LUC7L2: variants seen among roughly 807,000 people sequenced by gnomAD.
The protein encoded by LUC7L2 is LUC7 like 2, pre-mRNA splicing factor.
A neutral mutation model predicts 52.8 loss-of-function variants in LUC7L2; 25 were observed. The ratio of observed to expected loss-of-function variants is 0.47; its 90% CI spans 0.34 to 0.66. LUC7L2 has a LOEUF of 0.66. Among genes scored for constraint, LUC7L2 ranks in the 30% least tolerant of loss-of-function variants. The pLI, the probability that LUC7L2 is intolerant of heterozygous loss-of-function variation, is 0.01. For synonymous variants in LUC7L2, 144 were observed against 160.9 expected (o/e 0.89, Z 0.80); for missense variants, 328 against 497.8 (o/e 0.66, Z 3.25).
At chr7:139,374,977 CTT>C (rs769968473) in intron 1 of LUC7L2, 4 of 985,902 alleles carry the variant, frequency 4.1e-6, no homozygotes, top group Non-Finnish European at 4.8e-6. Context: ...ATTTATATCT[CTT>C]TTGGCACCAA....
At chr7:139,421,041 T>C (rs1334868416) in intron 9 of LUC7L2, among the ~76,000 whole-genome samples, 1 of 152,232 alleles carries the variant, frequency 6.6e-6, no homozygotes, top group Admixed American at 6.5e-5. Flanking sequence ...CCTCAAGTGA[T>C]CTGCCTGCCT....
intron 2 of LUC7L2, among the ~76,000 whole-genome samples, chr7:139,392,014 A>T (rs927774302): frequency 1.3e-5 from 2 of 152,218 alleles, no homozygotes; most frequent in African/African-American, 4.8e-5. Context: ...GTATTTTATT[A>T]TGTCTTTCTT....
chr7:139,422,097 C>A, intron 9 of LUC7L2, 66 bp from the exon 10 acceptor site: 1 of 1,528,430 alleles, frequency 6.5e-7, no homozygotes. Context: ...TAATATTTAT[C>A]CTATTCTTTA....
intron 1 of LUC7L2, among the ~76,000 whole-genome samples, chr7:139,343,351 T>C (rs936895501): frequency 2.0e-5 from 3 of 152,338 alleles, no homozygotes; most frequent in East Asian, 1.9e-4. Context: ...CAACATGATC[T>C]GCAGATCCTA....
chr7:139,374,753 C>A, intron 1 of LUC7L2: 3 of 1,219,792 alleles, frequency 2.5e-6, no homozygotes, highest in East Asian at 3.6e-5. Flanking sequence ...TCTTTAACCA[C>A]GTTAAAACAA....
intron 2 of LUC7L2, among the ~76,000 whole-genome samples, chr7:139,380,704 T>C (rs1044723151): frequency 6.6e-6 from 1 of 152,214 alleles, no homozygotes; most frequent in African/African-American, 2.4e-5. Flanking sequence ...ACTTTCTCCC[T>C]GCTAAACTCA....
intron 2 of LUC7L2, among the ~76,000 whole-genome samples, chr7:139,391,728 C>T (rs1230962501): frequency 6.6e-6 from 1 of 151,970 alleles, no homozygotes; most frequent in African/African-American, 2.4e-5. Context: ...AGTTGGGATT[C>T]CAGGCATGTC....
chr7:139,416,459 T>G (rs1795625650), intron 8 of LUC7L2: 1 of 152,374 alleles, frequency 6.6e-6, no homozygotes, highest in African/African-American at 2.4e-5. Context: ...ACATTTTTTT[T>G]GCAATCTGAG....
intron 2 of LUC7L2, among the ~76,000 whole-genome samples, chr7:139,382,175 C>A (rs1379496623): frequency 6.6e-6 from 1 of 151,842 alleles, no homozygotes; most frequent in African/African-American, 2.4e-5. Flanking sequence ...CAGGTGTGAG[C>A]CACTGCCCCC....
In LUC7L2 at chr7:139,401,957, T is replaced by A. The variant is rs979843599; in HGVS notation, c.256-180T>A. Among the ~76,000 whole-genome samples the A allele has an allele frequency of 2.0e-5, 3 of 152,134 alleles. No individual in the cohort carries two copies. In the East Asian group the frequency reaches 5.8e-4, roughly 29 times the overall value. ...AAGTAGAGGCAGAGTTTCGCCAAGTTGGCCAGGCTGGCCTCAAGTGATCTG... is the reference window on the plus strand; with the variant it reads ...AAGTAGAGGCAGAGTTTCGCCAAGTAGGCCAGGCTGGCCTCAAGTGATCTG... On this transcript the variant is annotated intron_variant, in intron 3 of 9. Transcript: ENST00000354926.
intron 1 of LUC7L2, among the ~76,000 whole-genome samples, chr7:139,360,978 G>C (rs1487239356): frequency 2.0e-5 from 3 of 152,172 alleles, no homozygotes; most frequent in Admixed American, 2.0e-4. Context: ...TAGAGGCTTT[G>C]TTCAGTAAAT....
At chr7:139,421,971 A>G (rs1456837526) in intron 9 of LUC7L2, among the ~76,000 whole-genome samples, 192 bp from the exon 10 acceptor site, 57 of 151,916 alleles carry the variant, frequency 3.8e-4, no homozygotes, top group Admixed American at 3.5e-3. Flanking sequence ...TTTGTTTTTC[A>G]CCCATCTTCT....
At position 139,392,455 on chromosome 7, in the gene LUC7L2, G is replaced by A. The variant is rs117269058; in HGVS notation, c.157-6144G>A. The stretch of plus-strand genomic sequence containing the variant: ...TAGTAAAACAATATAAAATGCTGTG[G>A]AGCTATAAGTTACCAGGATCAGGTA... On this transcript the variant is annotated intron_variant, in intron 2 of 9. Transcript: ENST00000354926. 2,422 of 408,672 alleles carry A rather than the reference G, an allele frequency of 5.9e-3. 18 individuals are homozygous for A. Among genetic ancestry groups the A allele is most frequent in the Non-Finnish European group, 1.0e-2 (2,045 of 205,204 alleles). The allele number at this position is 408,672 out of a possible 1,614,324, so 25.3% of individuals were successfully genotyped here. A position where few individuals can be genotyped will look rare whatever the true frequency, so the allele number is the denominator to read the frequency against.
upstream of LUC7L2, chr7:139,359,846 A>G (rs1180240957): frequency 1.2e-5 from 5 of 406,100 alleles, no homozygotes; most frequent in African/African-American, 6.2e-5. Flanking sequence ...GCTGGACGCC[A>G]GTTGGTGGAG....
chr7:139,350,926 G>T (rs936144739), intron 1 of LUC7L2, among the ~76,000 whole-genome samples: 40 of 151,982 alleles, frequency 2.6e-4, no homozygotes, highest in Admixed American at 2.6e-3. Context: ...TGCCCGCCTT[G>T]GCCTCCCAAA....
chr7:139,409,678 T>C (rs373488732), intron 7 of LUC7L2, 24 bp downstream of exon 7: 43 of 1,570,452 alleles, frequency 2.7e-5, no homozygotes, highest in Admixed American at 5.9e-5. Flanking sequence ...GGCCAAGTAA[T>C]TGAAGTTGAA....
At chr7:139,412,825 TAAAAA>T (rs10593094) in intron 8 of LUC7L2, 26,689 of 122,306 alleles carry the variant, frequency 0.22, 2,555 homozygotes, top group Middle Eastern at 0.31. Flanking sequence ...ACTCTGTCTT[TAAAAA>T]AAAAAAAAAA....
At position 139,376,048 on chromosome 7, in the gene LUC7L2, C is replaced by G. The variant is rs751294437; in HGVS notation, c.62-14C>G. 1 of 1,612,894 alleles carries G rather than the reference C, an allele frequency of 6.2e-7. No individual in the cohort carries two copies. Among genetic ancestry groups the G allele is most frequent in the African/African-American group, 1.3e-5 (1 of 74,876 alleles). ...TGTCTAACCTTGAATGTTATTAACT[C>G]TTCTATATTACAGGAGATACAACTC... is the stretch of plus-strand genomic sequence containing the variant. On this transcript the variant is annotated splice_polypyrimidine_tract_variant and intron_variant, in intron 1 of 9. Coordinates refer to ENST00000354926, the MANE Select transcript of LUC7L2 (RefSeq NM_016019.5).
Position 139,352,416 on chromosome 7 carries a change from GC to G in LUC7L2, c.-26+11901del, listed in dbSNP as rs535989919. Among the ~76,000 whole-genome samples the G allele has an allele frequency of 5.0e-4, 76 of 152,296 alleles. 1 individual carries two copies. In the Middle Eastern group the frequency reaches 0.014, roughly 27 times the overall value. ...ACACTGAGGTAGAAGGATCCCTTGA[GC>G]CTGGGAGGTTGAGACTGCAGCAGTG... On this transcript the variant is annotated intron_variant, in intron 1 of 10. Coordinates refer to the LUC7L2 transcript ENST00000541170.
Sources: gnomAD v4.1 joint callset for allele counts (sites outside exome capture counted in the v4.1 genomes callset) on GRCh38, gnomAD v4.1.1 for gene constraint, MANE v1.5 for transcripts, NCBI Gene and HGNC (gene_info 2026-07-23, HGNC 2026-07-21) for gene names.